Variants in PTPRN2 observed in about 807,000 individuals in gnomAD.
PTPRN2 encodes protein tyrosine phosphatase receptor type N2, also known as receptor-type tyrosine-protein phosphatase N2.
PTPRN2 carries 74 observed loss-of-function variants against 118.8 expected under a neutral mutation model. That is an observed-to-expected ratio of 0.62 (90% confidence interval 0.52 to 0.76). The LOEUF (loss-of-function observed/expected upper bound fraction) is 0.76, where lower values mean the gene tolerates loss of function less well. Among genes scored for constraint, PTPRN2 ranks in the 30% least tolerant of loss-of-function variants. PTPRN2 has a pLI of 0.00. For synonymous variants in PTPRN2, 641 were observed against 608.0 expected (o/e 1.05, Z -0.80); for missense variants, 1,481 against 1,394.4 (o/e 1.06, Z -0.99).
At chr7:157,936,376 C>T (rs971423808) in intron 11 of PTPRN2, among the ~76,000 whole-genome samples, 1 of 152,168 alleles carries the variant, frequency 6.6e-6, no homozygotes, top group Non-Finnish European at 1.5e-5. Flanking sequence ...CTACTGGGCT[C>T]ATTCCTCCCC....
At chr7:158,084,279 A>G (rs931679332) in intron 10 of PTPRN2, among the ~76,000 whole-genome samples, 2 of 73,502 alleles carry the variant, frequency 2.7e-5, no homozygotes, top group African/African-American at 5.1e-5. Flanking sequence ...CCCACCCACC[A>G]CCCCCCACCC....
intron 12 of PTPRN2, among the ~76,000 whole-genome samples, chr7:157,700,324 A>C (rs921773423): frequency 6.6e-6 from 1 of 152,204 alleles, no homozygotes; most frequent in Non-Finnish European, 1.5e-5. Context: ...GTGAGCACTA[A>C]GACAGACAGC....
chr7:158,071,846 G>C (rs866711919), intron 11 of PTPRN2, among the ~76,000 whole-genome samples: 1 of 37,096 alleles, frequency 2.7e-5, no homozygotes, highest in Non-Finnish European at 4.8e-5. Flanking sequence ...GGAGGTGCTC[G>C]TGGTGGTGGA....
At chr7:157,908,022 G>C (rs541973752) in intron 11 of PTPRN2, among the ~76,000 whole-genome samples, 2 of 152,232 alleles carry the variant, frequency 1.3e-5, no homozygotes, top group African/African-American at 4.8e-5. Flanking sequence ...GCCCACAGCC[G>C]CAGAGCCGCC....
intron 11 of PTPRN2, among the ~76,000 whole-genome samples, chr7:157,917,472 C>T (rs1275646283): frequency 2.6e-5 from 4 of 152,222 alleles, no homozygotes; most frequent in East Asian, 1.9e-4. Flanking sequence ...TGGATTCTGC[C>T]GGGGGGCGGG....
chr7:158,238,720 A>G (rs1435535112), intron 3 of PTPRN2, among the ~76,000 whole-genome samples: 1 of 152,142 alleles, frequency 6.6e-6, no homozygotes, highest in Non-Finnish European at 1.5e-5. Context: ...GCTCTAGGTC[A>G]TGACAGCTCA....
At chr7:158,329,574 C>T (rs761009143) in intron 2 of PTPRN2, among the ~76,000 whole-genome samples, 4 of 152,322 alleles carry the variant, frequency 2.6e-5, no homozygotes, top group Non-Finnish European at 5.9e-5. Flanking sequence ...AGACACCAGA[C>T]GTCAACCCTG....
rs199560003 is a variant in PTPRN2, at chr7:158,167,245, G to T, written c.596C>A (p.Thr199Lys). The T allele has an allele frequency of 3.7e-6, 6 of 1,612,514 alleles. No individual in the cohort carries two copies. The highest frequency in any genetic ancestry group is 5.1e-6 in the Non-Finnish European group (6 of 1,179,562). Reference protein sequence around the residue: ...SESILTYVAHTSALTYPPGSR... With the variant: ...SESILTYVAHKSALTYPPGSR... ...CCCGGGAGGGTAGGTCAGCGCAGAC[G>T]TGTGGGCCACATAGGTCAGGATGCT... Residue 199 changes from threonine to lysine, a missense_variant, in exon 6 of 23, where the codon ACG becomes AAG. By Grantham distance (78) the Thr-to-Lys change is moderately conservative (BLOSUM62 -1). Transcript: ENST00000389418.
At chr7:158,284,017 G>A (rs184264355) in intron 3 of PTPRN2, among the ~76,000 whole-genome samples, 6 of 152,256 alleles carry the variant, frequency 3.9e-5, no homozygotes, top group Non-Finnish European at 5.9e-5. Context: ...TCAATCACAC[G>A]TTTAAGAACG....
At chr7:158,275,026 G>C (rs1328230037) in intron 3 of PTPRN2, among the ~76,000 whole-genome samples, 1 of 152,188 alleles carries the variant, frequency 6.6e-6, no homozygotes, top group Non-Finnish European at 1.5e-5. Flanking sequence ...CTTTCTGATT[G>C]TGGGGTTCAA....
intron 2 of PTPRN2, among the ~76,000 whole-genome samples, chr7:158,443,291 C>T (rs768961239): frequency 2.9e-4 from 44 of 152,218 alleles, no homozygotes; most frequent in Non-Finnish European, 5.6e-4. Context: ...GGCTTCTCCC[C>T]GAAGGCACAG....
intron 14 of PTPRN2, among the ~76,000 whole-genome samples, chr7:157,634,641 A>C (rs1296430292): frequency 3.3e-5 from 5 of 152,136 alleles, no homozygotes; most frequent in African/African-American, 1.2e-4. Context: ...CCCACAGGTC[A>C]GAGGGGCCGT....
At chr7:157,548,727 G>C (rs1472695385) in intron 22 of PTPRN2, among the ~76,000 whole-genome samples, 1 of 152,180 alleles carries the variant, frequency 6.6e-6, no homozygotes, top group African/African-American at 2.4e-5. Flanking sequence ...GACTTGAGAT[G>C]TGGCTGCATC....
intron 1 of PTPRN2, among the ~76,000 whole-genome samples, chr7:158,584,661 A>G (rs1015553687): frequency 6.6e-6 from 1 of 152,216 alleles, no homozygotes; most frequent in African/African-American, 2.4e-5. Flanking sequence ...TAAATAAATC[A>G]GGGGAAAAGA....
intron 1 of PTPRN2, among the ~76,000 whole-genome samples, chr7:158,538,884 C>T (rs973677600): frequency 6.6e-6 from 1 of 152,168 alleles, no homozygotes; most frequent in Non-Finnish European, 1.5e-5. Flanking sequence ...AACGAAGACA[C>T]GACCCACCCA....
chr7:158,481,935 G>C lies in PTPRN2; in HGVS notation c.163+7800C>G, dbSNP rs571053799. Among the ~76,000 whole-genome samples the C allele has an allele frequency of 1.1e-3, 172 of 152,300 alleles. 1 individual carries two copies. The highest frequency in any genetic ancestry group is 4.0e-3 in the African/African-American group (165 of 41,566). ...GGAGGTCAAAATAGCAACATTCACA[G>C]GAGTTTGGAAGAGGCTGAGTCCAAC... On this transcript the variant is annotated intron_variant, in intron 2 of 22. Coordinates refer to ENST00000389418, the MANE Select transcript of PTPRN2 (RefSeq NM_002847.5).
intron 3 of PTPRN2, among the ~76,000 whole-genome samples, chr7:158,291,462 C>T (rs1204663384): frequency 3.9e-5 from 6 of 152,086 alleles, no homozygotes; most frequent in Non-Finnish European, 7.3e-5. Context: ...GCTTCCCCTC[C>T]CCCAATTGTT....
chr7:157,976,727 G>C (rs1802782535), intron 11 of PTPRN2, among the ~76,000 whole-genome samples: 1 of 151,904 alleles, frequency 6.6e-6, no homozygotes, highest in South Asian at 2.1e-4. Flanking sequence ...TCCTAGAGCA[G>C]ATAACTAAGG....
At chr7:157,679,238 A>G (rs749104325) in intron 13 of PTPRN2, among the ~76,000 whole-genome samples, 5 of 152,254 alleles carry the variant, frequency 3.3e-5, no homozygotes, top group Non-Finnish European at 5.9e-5. Flanking sequence ...TCTATTTAGA[A>G]GAAAAAACAA....
Sources: gnomAD v4.1 joint callset for allele counts (sites outside exome capture counted in the v4.1 genomes callset) on GRCh38, gnomAD v4.1.1 for gene constraint, MANE v1.5 for transcripts, NCBI Gene and HGNC (gene_info 2026-07-23, HGNC 2026-07-21) for gene names.